The following ANO2 variants were observed in gnomAD, a reference collection of about 807,000 sequenced individuals.
The protein encoded by ANO2 is anoctamin-2.
ANO2 carries 101 observed loss-of-function variants against 124.2 expected under a neutral mutation model. The observed-to-expected ratio is 0.81, with a 90% confidence interval of 0.69 to 0.96. The LOEUF is 0.96. Ranked by LOEUF, ANO2 falls within the 40% of genes least tolerant of loss-of-function variation. ANO2 has a pLI of 0.00. For synonymous variants in ANO2, 486 were observed against 482.5 expected (o/e 1.01, Z -0.09); for missense variants, 1,293 against 1,274.5 (o/e 1.01, Z -0.22).
intron 3 of ANO2, among the ~76,000 whole-genome samples, chr12:5,912,179 G>A (rs190682159): frequency 3.9e-5 from 6 of 152,260 alleles, no homozygotes; most frequent in African/African-American, 7.2e-5. Flanking sequence ...TTCCTCCTCC[G>A]TGTAAACCCT....
In ANO2 at chr12:5,565,702, A is replaced by G. The variant is rs372542233; in HGVS notation, c.2622-39T>C. The G allele has an allele frequency of 3.3e-6, 5 of 1,508,682 alleles. No individual in the cohort carries two copies. In the African/African-American group the frequency reaches 4.2e-5, roughly 13 times the overall value. The allele number at this position is 1,508,682 out of a possible 1,614,324, so 93.5% of individuals were successfully genotyped here. A position where few individuals can be genotyped will look rare whatever the true frequency, so the allele number is the denominator to read the frequency against. Reference sequence around the variant, plus strand: ...AATGTGGTGTTAAGATCAGGAGCGCATGGAGAAAAGGGTGGTCATTCTCTG... The same window carrying G: ...AATGTGGTGTTAAGATCAGGAGCGCGTGGAGAAAAGGGTGGTCATTCTCTG... On this transcript the variant is annotated intron_variant, in intron 23 of 24. Coordinates refer to ENST00000682330, the MANE Select transcript of ANO2 (RefSeq NM_001364791.2).
intron 10 of ANO2, among the ~76,000 whole-genome samples, chr12:5,789,824 G>A (rs1035423868): frequency 6.6e-6 from 1 of 152,184 alleles, no homozygotes; most frequent in African/African-American, 2.4e-5. Context: ...GCTATCTTGC[G>A]GTTGTTGTTG....
intron 14 of ANO2, among the ~76,000 whole-genome samples, chr12:5,663,027 G>A (rs568309813): frequency 6.6e-6 from 1 of 152,338 alleles, no homozygotes; most frequent in East Asian, 1.9e-4. Context: ...ATACTGCTCA[G>A]TAACCAGTTC....
chr12:5,909,029 C>T (rs576070735), intron 3 of ANO2, among the ~76,000 whole-genome samples: 19 of 152,156 alleles, frequency 1.2e-4, no homozygotes, highest in Non-Finnish European at 2.6e-4. Context: ...CAGGAAGGGG[C>T]CCTGGAGACT....
intron 16 of ANO2, among the ~76,000 whole-genome samples, chr12:5,629,786 C>T (rs958377889): frequency 2.0e-5 from 3 of 152,178 alleles, no homozygotes; most frequent in Non-Finnish European, 4.4e-5. Flanking sequence ...GTGTCTTGGC[C>T]AGCCAGGCTC....
intron 3 of ANO2, among the ~76,000 whole-genome samples, chr12:5,899,010 C>T (rs1939992354): frequency 2.0e-5 from 3 of 152,180 alleles, no homozygotes; most frequent in Non-Finnish European, 4.4e-5. Flanking sequence ...AAAGTTGAGC[C>T]TGTAAAACCA....
intron 14 of ANO2, among the ~76,000 whole-genome samples, chr12:5,671,180 C>T (rs1309036876): frequency 2.0e-5 from 3 of 151,866 alleles, no homozygotes; most frequent in African/African-American, 7.3e-5. Flanking sequence ...GCTGGGACCT[C>T]TTTCTACACT....
intron 16 of ANO2, among the ~76,000 whole-genome samples, chr12:5,621,797 G>A (rs1205129718): frequency 2.1e-4 from 32 of 151,896 alleles, no homozygotes; most frequent in Admixed American, 2.0e-3. Flanking sequence ...GGCAGACACC[G>A]TGGAAGGCAG....
intron 3 of ANO2, among the ~76,000 whole-genome samples, chr12:5,860,564 A>T (rs1265425439): frequency 6.6e-6 from 1 of 152,244 alleles, no homozygotes; most frequent in African/African-American, 2.4e-5. Flanking sequence ...ACCATGGCCC[A>T]CAAAGTAATT....
intron 4 of ANO2, among the ~76,000 whole-genome samples, chr12:5,834,708 C>G (rs902037869): frequency 6.6e-6 from 1 of 152,202 alleles, no homozygotes; most frequent in African/African-American, 2.4e-5. Flanking sequence ...TAACACAGTT[C>G]AGGTAAACGA....
intron 3 of ANO2, among the ~76,000 whole-genome samples, chr12:5,893,575 T>A (rs1000456349): frequency 2.0e-5 from 3 of 151,804 alleles, no homozygotes; most frequent in African/African-American, 7.3e-5. Context: ...CAAGCCATGG[T>A]GGTTTGCTGT....
At chr12:5,570,889 G>T (rs1362584879) in intron 23 of ANO2, among the ~76,000 whole-genome samples, 7 of 152,056 alleles carry the variant, frequency 4.6e-5, no homozygotes, top group Admixed American at 2.0e-4. Flanking sequence ...AAACAGTACA[G>T]GCAATTAGGA....
At chr12:5,879,385 ACAGAT>A (rs150745957) in intron 3 of ANO2, among the ~76,000 whole-genome samples, 2,372 of 152,330 alleles carry the variant, frequency 0.016, 55 homozygotes, top group African/African-American at 0.055. Flanking sequence ...TAGCTCAGAT[ACAGAT>A]CAGAAGAGGA....
chr12:5,813,913 C>T lies in ANO2; in HGVS notation c.893-6545G>A, dbSNP rs543964098. Among the ~76,000 whole-genome samples the T allele has an allele frequency of 1.4e-4, 22 of 152,340 alleles. No individual in the cohort carries two copies. The South Asian group carries it at 4.6e-3, about 32-fold the overall frequency. On this transcript the variant is annotated intron_variant, in intron 7 of 24. Transcript: ENST00000682330. Reference sequence around the variant, plus strand: ...AAACTGGCCCAGACAGGGAACATGGCTTGACCGAAGTTTTACAACTTGTTC... The same window carrying T: ...AAACTGGCCCAGACAGGGAACATGGTTTGACCGAAGTTTTACAACTTGTTC...
chr12:5,846,776 G>C (rs556742316), intron 4 of ANO2, among the ~76,000 whole-genome samples: 3 of 152,126 alleles, frequency 2.0e-5, no homozygotes, highest in African/African-American at 7.2e-5. Context: ...TTCTCTTATA[G>C]GGATACCTGT....
intron 3 of ANO2, among the ~76,000 whole-genome samples, chr12:5,901,701 A>C (rs1412923710): frequency 6.6e-6 from 1 of 152,222 alleles, no homozygotes; most frequent in African/African-American, 2.4e-5. Flanking sequence ...AATGGAATGG[A>C]AATTCAAGAG....
intron 16 of ANO2, among the ~76,000 whole-genome samples, chr12:5,616,871 C>A (rs1379722041): frequency 1.3e-5 from 2 of 152,100 alleles, no homozygotes; most frequent in Non-Finnish European, 2.9e-5. Context: ...GTACCACATC[C>A]TCCAGACCAC....
chr12:5,896,767 T>G (rs979451277), intron 3 of ANO2, among the ~76,000 whole-genome samples: 1 of 152,200 alleles, frequency 6.6e-6, no homozygotes, highest in Non-Finnish European at 1.5e-5. Context: ...AATATTTTAT[T>G]TGAAGCCCCA....
At chr12:5,653,021 C>T (rs755728482) in intron 14 of ANO2, among the ~76,000 whole-genome samples, 14 of 152,146 alleles carry the variant, frequency 9.2e-5, no homozygotes, top group Non-Finnish European at 2.1e-4. Flanking sequence ...TAAAGCAGGA[C>T]TGTAAAGAAG....
Sources: allele counts gnomAD v4.1 joint callset (sites outside exome capture counted in the v4.1 genomes callset), GRCh38; gene constraint gnomAD v4.1.1; transcripts MANE v1.5; gene names NCBI Gene and HGNC (gene_info 2026-07-23, HGNC 2026-07-21).